The following BANK1 variants were observed in gnomAD, a reference collection of about 807,000 sequenced individuals.
BANK1 encodes B-cell scaffold protein with ankyrin repeats.
A neutral mutation model predicts 94.5 loss-of-function variants in BANK1; 95 were observed. The ratio of observed to expected loss-of-function variants is 1.00; its 90% CI spans 0.85 to 1.19. The LOEUF (loss-of-function observed/expected upper bound fraction) is 1.19, where lower values mean the gene tolerates loss of function less well. Ranked by LOEUF, BANK1 falls within the 50% of genes most tolerant of loss-of-function variation. BANK1 has a pLI of 0.00. For synonymous variants in BANK1, 334 were observed against 308.4 expected (o/e 1.08, Z -0.87); for missense variants, 987 against 932.2 (o/e 1.06, Z -0.77).
In BANK1 at chr4:102,061,549, G is replaced by C. The variant is rs556171613; in HGVS notation, c.2148+1160G>C. On this transcript the variant is annotated intron_variant, in intron 12 of 16. Coordinates refer to ENST00000322953, the MANE Select transcript of BANK1 (RefSeq NM_017935.5). ...ACCAATACACATGTGTTTAGGTGCA[G>C]ACCTACAAATCACTTTCCTAGCAAT... is the stretch of plus-strand genomic sequence containing the variant. 2.6e-5 allele frequency: 4 copies of C among 152,334 alleles called. No homozygotes were observed. The South Asian group carries it at 6.2e-4, about 24-fold the overall frequency. 9.4% of individuals were successfully genotyped at this position (152,334 alleles called of 1,614,324 possible). A position where few individuals can be genotyped will look rare whatever the true frequency, so the allele number is the denominator to read the frequency against.
chr4:101,819,149 C>T (rs1726037464), intron 1 of BANK1, among the ~76,000 whole-genome samples: 1 of 151,898 alleles, frequency 6.6e-6, no homozygotes, highest in Admixed American at 6.6e-5. Flanking sequence ...CAAAAAATAC[C>T]ATGGTGGTAT....
At chr4:102,025,657 G>A in intron 9 of BANK1, 148 bp downstream of exon 9, 1 of 760,778 alleles carries the variant, frequency 1.3e-6, no homozygotes. Context: ...AAAAACTAAG[G>A]CCTGGGAAAT....
At chr4:101,946,883 A>G (rs542152358) in intron 7 of BANK1, among the ~76,000 whole-genome samples, 3 of 152,166 alleles carry the variant, frequency 2.0e-5, no homozygotes, top group South Asian at 2.1e-4. Flanking sequence ...GCCATTTAAC[A>G]ATAAACTCAT....
chr4:101,910,858 A>T (rs1468479367), intron 6 of BANK1, among the ~76,000 whole-genome samples: 1 of 152,116 alleles, frequency 6.6e-6, no homozygotes, highest in African/African-American at 2.4e-5. Context: ...TAGATACTGA[A>T]GGAAAGTAGA....
chr4:101,890,758 T>C (rs939830231), intron 5 of BANK1, among the ~76,000 whole-genome samples: 25 of 151,316 alleles, frequency 1.7e-4, no homozygotes, highest in African/African-American at 5.6e-4. Context: ...ACTTATTTTT[T>C]TTTTAAAGAA....
At chr4:101,860,797 T>C (rs1235669364) in intron 3 of BANK1, among the ~76,000 whole-genome samples, 1 of 152,132 alleles carries the variant, frequency 6.6e-6, no homozygotes, top group Non-Finnish European at 1.5e-5. Context: ...GATAAAACAC[T>C]GGGAGAGTGC....
intron 9 of BANK1, 42 bp downstream of exon 9, chr4:102,025,551 A>G: frequency 6.4e-7 from 1 of 1,570,322 alleles, no homozygotes; most frequent in Non-Finnish European, 8.7e-7. Flanking sequence ...AACAAAGACA[A>G]ATCTTTGACA....
At chr4:101,910,074 G>C (rs546154084) in intron 6 of BANK1, among the ~76,000 whole-genome samples, 1 of 152,180 alleles carries the variant, frequency 6.6e-6, no homozygotes, top group South Asian at 2.1e-4. Context: ...CCAAGCCCCT[G>C]TTCTTTCTTT....
chr4:102,070,977 C>G (rs1728737070), intron 13 of BANK1, among the ~76,000 whole-genome samples: 1 of 152,104 alleles, frequency 6.6e-6, no homozygotes, highest in Non-Finnish European at 1.5e-5. Flanking sequence ...TGAAGTAGCT[C>G]AAGCTAGCGG....
intron 2 of BANK1, among the ~76,000 whole-genome samples, chr4:101,835,261 G>A (rs1460873347): frequency 6.6e-6 from 1 of 152,146 alleles, no homozygotes; most frequent in Non-Finnish European, 1.5e-5. Flanking sequence ...TCACCAACAT[G>A]TACTTGAATC....
At position 101,911,209 on chromosome 4, in the gene BANK1, G is replaced by A. The variant is rs182370541; in HGVS notation, c.1010-6784G>A. The stretch of plus-strand genomic sequence containing the variant: ...GCTAGTCCCCAGACGACTGTGCCTC[G>A]GTACACTATAGTGAGCATGAGCTCG... On this transcript the variant is annotated intron_variant, in intron 6 of 16. Coordinates refer to ENST00000322953, the MANE Select transcript of BANK1 (RefSeq NM_017935.5). Among the ~76,000 whole-genome samples the A allele has an allele frequency of 2.3e-3, 352 of 152,152 alleles. 8 individuals are homozygous for A. The highest frequency in any genetic ancestry group is 8.0e-3 in the African/African-American group (331 of 41,504).
At chr4:101,947,284 AATAT>A (rs36202521) in intron 7 of BANK1, among the ~76,000 whole-genome samples, 10,525 of 58,172 alleles carry the variant, frequency 0.18, 1,201 homozygotes, top group African/African-American at 0.27. Flanking sequence ...AGAAGTTGTA[AATAT>A]ATATATATAT....
At chr4:101,948,126 G>T (rs1416246050) in intron 7 of BANK1, among the ~76,000 whole-genome samples, 1 of 152,018 alleles carries the variant, frequency 6.6e-6, no homozygotes, top group African/African-American at 2.4e-5. Context: ...AAGTGTACTT[G>T]GTTTTTAAGA....
chr4:101,917,229 T>C (rs1351506067), intron 6 of BANK1, among the ~76,000 whole-genome samples: 1 of 151,996 alleles, frequency 6.6e-6, no homozygotes, highest in Non-Finnish European at 1.5e-5. Flanking sequence ...ATTATGTTGG[T>C]GTGTAATTTC....
chr4:102,051,250 T>A (rs770420101), intron 11 of BANK1, among the ~76,000 whole-genome samples: 1 of 152,188 alleles, frequency 6.6e-6, no homozygotes, highest in Non-Finnish European at 1.5e-5. Flanking sequence ...GAGGGAAAAT[T>A]GTCAAAATGT....
In BANK1 at chr4:102,067,636, A is replaced by G. The variant is rs183021052; in HGVS notation, c.2213-3639A>G. 7.2e-4 allele frequency among the ~76,000 whole-genome samples: 110 copies of G among 151,998 alleles called. 2 individuals are homozygous for G. The highest frequency in any genetic ancestry group is 7.1e-3 in the Admixed American group (108 of 15,290). On this transcript the variant is annotated intron_variant, in intron 13 of 16. Coordinates refer to ENST00000322953, the MANE Select transcript of BANK1 (RefSeq NM_017935.5). ...TAGAGCGATTCTAAATATCTGCGTT[A>G]TATAAAATAATTTTATATTATATAT...
chr4:101,956,738 A>T (rs548584315), intron 7 of BANK1, among the ~76,000 whole-genome samples: 4 of 152,140 alleles, frequency 2.6e-5, no homozygotes, highest in Admixed American at 2.6e-4. Flanking sequence ...CAAAGAGAAT[A>T]AAAAAAATGC....
At chr4:102,063,261 G>T in intron 13 of BANK1, 123 bp downstream of exon 13, 1 of 804,160 alleles carries the variant, frequency 1.2e-6, no homozygotes. Flanking sequence ...TGTCTAACCT[G>T]GAGAGGGTCT....
intron 11 of BANK1, among the ~76,000 whole-genome samples, chr4:102,051,072 T>C (rs928320996): frequency 4.6e-5 from 7 of 152,172 alleles, no homozygotes; most frequent in Non-Finnish European, 8.8e-5. Context: ...TCTATAAGTG[T>C]GCATTGCTGT....
Sources: allele counts gnomAD v4.1 joint callset (sites outside exome capture counted in the v4.1 genomes callset), GRCh38; gene constraint gnomAD v4.1.1; transcripts MANE v1.5; gene names NCBI Gene and HGNC (gene_info 2026-07-23, HGNC 2026-07-21).